The following RALGAPA2 variants were observed in gnomAD, a reference collection of about 807,000 sequenced individuals.
The protein encoded by RALGAPA2 is Ral GTPase activating protein catalytic subunit alpha 2, also known as ral GTPase-activating protein subunit alpha-2.
A neutral mutation model predicts 230.4 loss-of-function variants in RALGAPA2; 139 were observed. The ratio of observed to expected loss-of-function variants is 0.60; its 90% CI spans 0.53 to 0.69. The LOEUF is 0.69. RALGAPA2 is among the 30% of genes least tolerant of loss of function. The pLI is 0.00. For synonymous variants in RALGAPA2, 847 were observed against 837.8 expected, an observed-to-expected ratio of 1.01 and a Z score of -0.19; for missense variants, 2,163 against 2,276.0, an observed-to-expected ratio of 0.95 and a Z score of 1.01.
intron 23 of RALGAPA2, among the ~76,000 whole-genome samples, chr20:20,553,212 G>C (rs2063978970): frequency 6.6e-6 from 1 of 152,190 alleles, no homozygotes; most frequent in Admixed American, 6.5e-5. Flanking sequence ...AAAGCCAGGA[G>C]AAATATTACA....
rs1337754550 is a variant in RALGAPA2, at chr20:20,486,873, A to G, written c.5367+8244T>C. On this transcript the variant is annotated intron_variant, in intron 36 of 39. Transcript: ENST00000202677. ...CAGTTTACTCATGAGCCCATCCGGC[A>G]TTCTTTGTTTCTGTCATAGGGTTTT... Among the ~76,000 whole-genome samples, 3 of 152,114 alleles carry G rather than the reference A, an allele frequency of 2.0e-5. No homozygotes were observed. In the East Asian group the frequency reaches 5.8e-4, roughly 29 times the overall value.
intron 23 of RALGAPA2, among the ~76,000 whole-genome samples, chr20:20,551,395 T>C (rs1374969723): frequency 1.3e-5 from 2 of 152,228 alleles, no homozygotes; most frequent in Non-Finnish European, 2.9e-5. Flanking sequence ...TGTTGCAATA[T>C]AGTGAACAGA....
intron 12 of RALGAPA2, among the ~76,000 whole-genome samples, chr20:20,616,894 CT>C (rs972646535): frequency 6.6e-6 from 1 of 152,214 alleles, no homozygotes. Flanking sequence ...TACCCTCTGC[CT>C]CAGACCTTTA....
intron 30 of RALGAPA2, among the ~76,000 whole-genome samples, chr20:20,522,463 G>C (rs976211886): frequency 6.6e-6 from 1 of 152,134 alleles, no homozygotes; most frequent in African/African-American, 2.4e-5. Context: ...GACAAAAGAG[G>C]ATATACTGTA....
At chr20:20,434,991 T>A (rs2060578392) in intron 37 of RALGAPA2, among the ~76,000 whole-genome samples, 1 of 152,214 alleles carries the variant, frequency 6.6e-6, no homozygotes. Context: ...AAAACAAATC[T>A]ACAAGTTATT....
At chr20:20,402,352 C>T (rs1168173633) in intron 38 of RALGAPA2, among the ~76,000 whole-genome samples, 1 of 152,264 alleles carries the variant, frequency 6.6e-6, no homozygotes, top group Non-Finnish European at 1.5e-5. Flanking sequence ...CCTTGCCTCC[C>T]ATCCTTGCCC....
At chr20:20,670,503 T>C (rs1335553390) in intron 3 of RALGAPA2, among the ~76,000 whole-genome samples, 5 of 152,210 alleles carry the variant, frequency 3.3e-5, no homozygotes, top group African/African-American at 9.6e-5. Context: ...ATGTAAAACA[T>C]GTAGATTCCG....
chr20:20,645,115 T>C (rs1234621789), intron 4 of RALGAPA2, among the ~76,000 whole-genome samples: 1 of 136,630 alleles, frequency 7.3e-6, no homozygotes, highest in African/African-American at 2.7e-5. Context: ...GCTTTTTTTT[T>C]TTTTTTTTTT....
intron 20 of RALGAPA2, among the ~76,000 whole-genome samples, chr20:20,578,118 C>T (rs1305993122): frequency 3.9e-5 from 6 of 152,124 alleles, no homozygotes; most frequent in African/African-American, 1.2e-4. Flanking sequence ...TATCAAGGTA[C>T]GCTGACTTCT....
At chr20:20,477,359 C>T (rs1258111084) in intron 36 of RALGAPA2, among the ~76,000 whole-genome samples, 1 of 152,156 alleles carries the variant, frequency 6.6e-6, no homozygotes, top group Non-Finnish European at 1.5e-5. Context: ...GTACAGAATA[C>T]TTTTTAAAAA....
intron 17 of RALGAPA2, among the ~76,000 whole-genome samples, chr20:20,590,659 T>C (rs1602969809): frequency 6.6e-6 from 1 of 152,238 alleles, no homozygotes; most frequent in African/African-American, 2.4e-5. Context: ...AAGTTGTTGG[T>C]GAAACCGTGT....
Position 20,531,739 on chromosome 20 carries a change from G to T in RALGAPA2, c.3530C>A (p.Thr1177Lys). The T allele has an allele frequency of 6.2e-7, 1 of 1,609,114 alleles. No homozygotes were observed. Among genetic ancestry groups the T allele is most frequent in the Non-Finnish European group, 8.5e-7 (1 of 1,177,614 alleles). The change falls in exon 27 of 40, where the codon ACA (threonine) becomes AAA (lysine). Residue 1177 changes from threonine (T) to lysine (K), a missense_variant. Physicochemically the swap from Thr to Lys is moderately conservative, Grantham distance 78. Transcript: ENST00000202677. ...GGCCTCTTTCACCTGAGGGTGGCTT[G>T]TACACTGTGCAAGCTCTTCACATAT... ...VWICEELAQC[T>K]SHPQVKEAIN...
At chr20:20,591,350 C>T (rs2065285430) in intron 16 of RALGAPA2, 36 bp from the exon 17 acceptor site, 1 of 1,582,732 alleles carries the variant, frequency 6.3e-7, no homozygotes, top group Non-Finnish European at 8.6e-7. Context: ...AGTTACAGTT[C>T]AAGTTTTTAA....
chr20:20,687,845 G>T (rs1458662697), intron 1 of RALGAPA2, among the ~76,000 whole-genome samples: 1 of 150,792 alleles, frequency 6.6e-6, no homozygotes, highest in South Asian at 2.1e-4. Flanking sequence ...ATTAAAGAAG[G>T]AAAAGCAGGA....
intron 4 of RALGAPA2, among the ~76,000 whole-genome samples, chr20:20,649,260 A>G (rs910303245): frequency 4.3e-4 from 66 of 152,084 alleles, no homozygotes; most frequent in Non-Finnish European, 4.1e-4. Flanking sequence ...GAGGTATGGT[A>G]TGGTCTGAAT....
chr20:20,486,991 A>G (rs921773835), intron 36 of RALGAPA2, among the ~76,000 whole-genome samples: 1 of 152,142 alleles, frequency 6.6e-6, no homozygotes, highest in African/African-American at 2.4e-5. Context: ...CACTTTTTCC[A>G]TTAGTATCCT....
intron 9 of RALGAPA2, among the ~76,000 whole-genome samples, chr20:20,633,729 C>T (rs1173779683): frequency 2.6e-5 from 4 of 151,822 alleles, no homozygotes; most frequent in Non-Finnish European, 5.9e-5. Flanking sequence ...CTGCCTGCCT[C>T]AGCTTCCCAA....
chr20:20,453,295 C>A (rs770942417), intron 37 of RALGAPA2, among the ~76,000 whole-genome samples: 2 of 152,080 alleles, frequency 1.3e-5, no homozygotes, highest in African/African-American at 2.4e-5. Context: ...TCTTCTCACA[C>A]AAGACAAGAC....
chr20:20,486,581 T>C (rs1332232250), intron 36 of RALGAPA2, among the ~76,000 whole-genome samples: 1 of 152,158 alleles, frequency 6.6e-6, no homozygotes, highest in Non-Finnish European at 1.5e-5. Flanking sequence ...GGTATAGACA[T>C]TTTGATATTT....
Sources: allele counts gnomAD v4.1 joint callset (sites outside exome capture counted in the v4.1 genomes callset), GRCh38; gene constraint gnomAD v4.1.1; transcripts MANE v1.5; gene names NCBI Gene and HGNC (gene_info 2026-07-23, HGNC 2026-07-21).